Variants in CDH12 observed in about 807,000 individuals in gnomAD.
The protein encoded by CDH12 is cadherin-12.
In CDH12, 41 loss-of-function variants were observed where a neutral mutation model predicts 74.1. The observed-to-expected ratio is 0.55, with a 90% confidence interval of 0.43 to 0.72. CDH12 has a LOEUF of 0.72. Ranked by LOEUF, CDH12 falls within the 30% of genes least tolerant of loss-of-function variation. The pLI is 0.00. For synonymous variants in CDH12, 399 were observed against 355.0 expected (o/e 1.12, Z -1.39); for missense variants, 945 against 977.2 (o/e 0.97, Z 0.44).
intron 3 of CDH12, among the ~76,000 whole-genome samples, chr5:22,355,522 AAAT>A (rs34158112): frequency 0.53 from 59,038 of 110,582 alleles, 13,702 homozygotes; most frequent in Non-Finnish European, 0.65. Flanking sequence ...CTTAAAAAAA[AAAT>A]ATATATATAT....
intron 8 of CDH12, among the ~76,000 whole-genome samples, chr5:21,817,538 TGATAGATA>T: frequency 6.6e-6 from 1 of 151,820 alleles, no homozygotes; most frequent in Non-Finnish European, 1.5e-5. Context: ...GATAGATAGA[TGATAGATA>T]GATAGATAGG....
At chr5:22,072,092 C>T (rs1741977151) in intron 5 of CDH12, among the ~76,000 whole-genome samples, 2 of 152,060 alleles carry the variant, frequency 1.3e-5, no homozygotes, top group Admixed American at 1.3e-4. Context: ...TGCAGATGCT[C>T]TCCCTATCTC....
chr5:22,039,026 G>A (rs1739385072), intron 5 of CDH12, among the ~76,000 whole-genome samples: 1 of 152,114 alleles, frequency 6.6e-6, no homozygotes, highest in Admixed American at 6.6e-5. Flanking sequence ...CCCTGCCACT[G>A]CCCCAACAGG....
chr5:22,034,149 C>T (rs1360920085), intron 5 of CDH12, among the ~76,000 whole-genome samples: 1 of 152,106 alleles, frequency 6.6e-6, no homozygotes, highest in Admixed American at 6.6e-5. Flanking sequence ...ATTCTCCTGC[C>T]TCAGTCTCCC....
chr5:22,103,944 A>G (rs1188372030), intron 4 of CDH12, among the ~76,000 whole-genome samples: 1 of 152,180 alleles, frequency 6.6e-6, no homozygotes. Context: ...AAGGTACTCT[A>G]TCGCACTTTG....
At chr5:22,731,983 C>A (rs1275474773) in intron 1 of CDH12, among the ~76,000 whole-genome samples, 2 of 151,794 alleles carry the variant, frequency 1.3e-5, no homozygotes, top group Admixed American at 6.6e-5. Context: ...CAAAAAGAAA[C>A]CCTGAGAGAA....
At chr5:22,471,228 C>T (rs151231656) in intron 2 of CDH12, among the ~76,000 whole-genome samples, 132 of 152,300 alleles carry the variant, frequency 8.7e-4, no homozygotes, top group African/African-American at 2.9e-3. Flanking sequence ...TCTCCTAACA[C>T]GTGGGTGTTC....
intron 6 of CDH12, among the ~76,000 whole-genome samples, chr5:21,886,636 A>C (rs1245228444): frequency 6.7e-6 from 1 of 149,486 alleles, no homozygotes; most frequent in Non-Finnish European, 1.5e-5. Context: ...TTTCTTTAGA[A>C]TATGCTTCTT....
chr5:22,118,548 T>A (rs1745307737), intron 4 of CDH12, among the ~76,000 whole-genome samples: 1 of 151,908 alleles, frequency 6.6e-6, no homozygotes. Context: ...AGCTCCAAAT[T>A]ATGCATTTAG....
chr5:21,832,769 A>C (rs910190470), intron 8 of CDH12, among the ~76,000 whole-genome samples: 3 of 126,628 alleles, frequency 2.4e-5, no homozygotes, highest in East Asian at 4.3e-4. Context: ...TATATGATAT[A>C]TATTATATTA....
intron 1 of CDH12, among the ~76,000 whole-genome samples, chr5:22,813,071 G>A (rs188403930): frequency 1.8e-4 from 27 of 152,174 alleles, no homozygotes; most frequent in African/African-American, 6.5e-4. Context: ...ATAAATTCAG[G>A]AGTAGGTCCA....
At chr5:22,543,985 C>G (rs1354986288) in intron 1 of CDH12, among the ~76,000 whole-genome samples, 1 of 151,942 alleles carries the variant, frequency 6.6e-6, no homozygotes, top group African/African-American at 2.4e-5. Flanking sequence ...CTATCCCTAC[C>G]TCCTCTTAGT....
At chr5:22,687,370 T>A (rs1440574178) in intron 1 of CDH12, among the ~76,000 whole-genome samples, 1 of 152,204 alleles carries the variant, frequency 6.6e-6, no homozygotes, top group East Asian at 1.9e-4. Context: ...TGTTATTATG[T>A]TGAGACAAAT....
chr5:22,723,566 CT>C (rs1744009133), intron 1 of CDH12, among the ~76,000 whole-genome samples: 2 of 152,012 alleles, frequency 1.3e-5, no homozygotes, highest in Non-Finnish European at 2.9e-5. Context: ...AAACATTCCC[CT>C]TATTCTAGAC....
At chr5:21,931,579 T>A (rs1050019503) in intron 6 of CDH12, among the ~76,000 whole-genome samples, 10 of 152,182 alleles carry the variant, frequency 6.6e-5, no homozygotes, top group African/African-American at 2.4e-4. Context: ...CAAGAATAAC[T>A]GACTTTCAGG....
chr5:22,580,217 A>G (rs1289684686), intron 1 of CDH12: 1 of 297,738 alleles, frequency 3.4e-6, no homozygotes, highest in East Asian at 8.9e-5. Flanking sequence ...AAAATTGCCA[A>G]TAATGGTCAA....
rs537896865 is a variant in CDH12, at chr5:22,088,765, C to A, written c.-186-9903G>T. 9.5e-4 allele frequency among the ~76,000 whole-genome samples: 145 copies of A among 152,234 alleles called. 1 individual carries two copies. The highest frequency in any genetic ancestry group is 4.1e-3 in the Admixed American group (62 of 15,282). ...TGGCTCTGTGATACACGCAAAGGGACAATCAAGAAGACCTCTCATGGGACC... is the reference window on the plus strand; with the variant it reads ...TGGCTCTGTGATACACGCAAAGGGAAAATCAAGAAGACCTCTCATGGGACC... On this transcript the variant is annotated intron_variant, in intron 4 of 14. Transcript: ENST00000382254.
At chr5:21,959,186 G>C (rs1316868905) in intron 6 of CDH12, among the ~76,000 whole-genome samples, 1 of 152,276 alleles carries the variant, frequency 6.6e-6, no homozygotes, top group Non-Finnish European at 1.5e-5. Flanking sequence ...TTAGCAGAAG[G>C]AGCTTTGGGG....
chr5:21,943,800 C>T (rs1426714287), intron 6 of CDH12, among the ~76,000 whole-genome samples: 1 of 152,074 alleles, frequency 6.6e-6, no homozygotes, highest in Non-Finnish European at 1.5e-5. Flanking sequence ...ACAAAATTTG[C>T]AGTGTTCAGT....
Sources: gnomAD v4.1 joint callset for allele counts (sites outside exome capture counted in the v4.1 genomes callset) on GRCh38, gnomAD v4.1.1 for gene constraint, MANE v1.5 for transcripts, NCBI Gene and HGNC (gene_info 2026-07-23, HGNC 2026-07-21) for gene names.